The following KANK1 variants were observed in gnomAD, a reference collection of about 807,000 sequenced individuals.
KANK1 encodes the protein KN motif and ankyrin repeat domain-containing protein 1.
In KANK1, 109 loss-of-function variants were observed where a neutral mutation model predicts 106.2. The observed-to-expected ratio is 1.03, with a 90% CI of 0.88 to 1.20. KANK1 has a LOEUF of 1.20. Among genes scored for constraint, KANK1 ranks in the 50% most tolerant of loss-of-function variants. KANK1 has a pLI of 0.00. For synonymous variants in KANK1, 873 were observed against 652.2 expected (o/e 1.34, Z -5.16); for missense variants, 2,399 against 1,710.7 (o/e 1.40, Z -7.10).
chr9:623,758 G>C (rs980419650), intron 1 of KANK1, among the ~76,000 whole-genome samples: 5 of 152,190 alleles, frequency 3.3e-5, no homozygotes, highest in African/African-American at 9.7e-5. Flanking sequence ...TTTTGACAAG[G>C]ATATGGAGGA....
At chr9:701,805 C>G (rs573211439) in intron 2 of KANK1, among the ~76,000 whole-genome samples, 1 of 152,264 alleles carries the variant, frequency 6.6e-6, no homozygotes, top group South Asian at 2.1e-4. Flanking sequence ...ATTTTTATGT[C>G]TTTCAAAACC....
chr9:563,704 A>T (rs1817080036), intron 1 of KANK1, among the ~76,000 whole-genome samples: 2 of 152,158 alleles, frequency 1.3e-5, no homozygotes, highest in Non-Finnish European at 2.9e-5. Context: ...GTGCTTTCCT[A>T]GGGAGAGGTT....
At chr9:567,037 G>A (rs1817979316) in intron 1 of KANK1, among the ~76,000 whole-genome samples, 1 of 152,158 alleles carries the variant, frequency 6.6e-6, no homozygotes, top group African/African-American at 2.4e-5. Context: ...TAAGGAAGGG[G>A]TCCAGTTTCA....
At chr9:555,619 C>T (rs952751257) in intron 1 of KANK1, among the ~76,000 whole-genome samples, 2 of 152,170 alleles carry the variant, frequency 1.3e-5, no homozygotes, top group African/African-American at 4.8e-5. Context: ...GCTGAAATAA[C>T]TGTAAAAGCG....
intron 1 of KANK1, among the ~76,000 whole-genome samples, chr9:550,566 C>G (rs1028314820): frequency 9.2e-5 from 14 of 152,292 alleles, no homozygotes; most frequent in African/African-American, 3.4e-4. Context: ...GTTATCGCGC[C>G]ACTGCACTCC....
intron 1 of KANK1, among the ~76,000 whole-genome samples, chr9:537,359 G>A (rs991579051): frequency 2.0e-5 from 3 of 152,080 alleles, no homozygotes; most frequent in Non-Finnish European, 2.9e-5. Context: ...TGGTTAGCCT[G>A]TCAGGCCCTC....
chr9:641,396 C>T (rs1272804066), intron 1 of KANK1, among the ~76,000 whole-genome samples: 11 of 152,174 alleles, frequency 7.2e-5, no homozygotes, highest in Non-Finnish European at 1.5e-4. Context: ...GTAGAACATC[C>T]ATCTTGGTGG....
intron 1 of KANK1, among the ~76,000 whole-genome samples, chr9:622,901 C>A (rs573933360): frequency 6.7e-6 from 1 of 149,284 alleles, no homozygotes; most frequent in African/African-American, 2.5e-5. Flanking sequence ...GACTCCATCT[C>A]AAAAAAAAAG....
intron 3 of KANK1, among the ~76,000 whole-genome samples, chr9:493,885 C>A (rs1047121371): frequency 6.7e-6 from 1 of 149,294 alleles, no homozygotes; most frequent in Non-Finnish European, 1.5e-5. Flanking sequence ...AGTTTACATA[C>A]ATTTTTTTTT....
In KANK1 at chr9:745,122, T is replaced by C. The variant is rs756492826; in HGVS notation, c.3997-51T>C. 1.9e-6 allele frequency: 3 copies of C among 1,604,364 alleles called. No homozygotes were observed. In the Admixed American group the frequency reaches 5.1e-5, roughly 27 times the overall value. ...GATCCTATGTCACAGGGTACACATC[T>C]GCCTGAGGTCACTTATTAACCCCCA... On this transcript the variant is annotated intron_variant, in intron 11 of 11. Transcript: ENST00000382297.
intron 2 of KANK1, among the ~76,000 whole-genome samples, chr9:691,981 T>G (rs1207468177): frequency 6.6e-6 from 1 of 152,134 alleles, no homozygotes; most frequent in Non-Finnish European, 1.5e-5. Flanking sequence ...GTGGCACTAG[T>G]TGAACAAGAT....
At chr9:612,547 G>C (rs1460528380) in intron 1 of KANK1, among the ~76,000 whole-genome samples, 1 of 152,102 alleles carries the variant, frequency 6.6e-6, no homozygotes, top group Non-Finnish European at 1.5e-5. Context: ...CTTTTAGTAA[G>C]CCTTTATGTT....
intron 1 of KANK1, among the ~76,000 whole-genome samples, chr9:559,490 G>T (rs1489020267): frequency 6.6e-6 from 1 of 152,094 alleles, no homozygotes; most frequent in Non-Finnish European, 1.5e-5. Flanking sequence ...TGAGTGTCCA[G>T]GCCTGGTTTC....
chr9:722,348 CCTCTCTTGCT>C (rs1397039629), intron 3 of KANK1, among the ~76,000 whole-genome samples: 5 of 151,784 alleles, frequency 3.3e-5, no homozygotes, highest in African/African-American at 9.7e-5. Flanking sequence ...TGTCTGTCTG[CCTCTCTTGCT>C]CTCTCTCTCT....
At chr9:636,703 T>C (rs573673677) in intron 1 of KANK1, among the ~76,000 whole-genome samples, 52 of 152,202 alleles carry the variant, frequency 3.4e-4, no homozygotes, top group African/African-American at 1.1e-3. Context: ...CCATATCTAC[T>C]AAAAATACAA....
chr9:673,169 T>C (rs1324124236), intron 1 of KANK1, among the ~76,000 whole-genome samples: 1 of 149,956 alleles, frequency 6.7e-6, no homozygotes, highest in Non-Finnish European at 1.5e-5. Context: ...GCACAGACAC[T>C]GCCAGGATTC....
chr9:507,952 G>T (rs1483694147), intron 1 of KANK1, among the ~76,000 whole-genome samples: 1 of 151,370 alleles, frequency 6.6e-6, no homozygotes, highest in East Asian at 2.0e-4. Flanking sequence ...CCAAAGTGCT[G>T]AGGGATTACA....
intron 1 of KANK1, among the ~76,000 whole-genome samples, chr9:600,849 T>A (rs1021493007): frequency 2.0e-5 from 3 of 151,872 alleles, no homozygotes; most frequent in Non-Finnish European, 2.9e-5. Flanking sequence ...TTTGCTAACA[T>A]GTTCTAAAGT....
intron 2 of KANK1, among the ~76,000 whole-genome samples, chr9:693,082 AAAAC>A: frequency 6.6e-6 from 1 of 152,302 alleles, no homozygotes; most frequent in East Asian, 1.9e-4. Context: ...TTTTGAAACA[AAAAC>A]AAAGGTTGCT....
Sources: allele counts gnomAD v4.1 joint callset (sites outside exome capture counted in the v4.1 genomes callset), GRCh38; gene constraint gnomAD v4.1.1; transcripts MANE v1.5; gene names NCBI Gene and HGNC (gene_info 2026-07-23, HGNC 2026-07-21).